COBL: variants seen among roughly 807,000 people sequenced by gnomAD.
The protein encoded by COBL is cordon-bleu WH2 repeat protein, also known as protein cordon-bleu.
COBL carries 51 observed loss-of-function variants against 98.8 expected under a neutral mutation model. The ratio of observed to expected loss-of-function variants is 0.52; its 90% CI spans 0.41 to 0.65. The LOEUF is 0.65. Among genes scored for constraint, COBL ranks in the 30% least tolerant of loss-of-function variants. The pLI is 0.00. For synonymous variants in COBL, 634 were observed against 651.7 expected (o/e 0.97, Z 0.41); for missense variants, 1,617 against 1,617.5 (o/e 1.00, Z 0.01).
intron 1 of COBL, among the ~76,000 whole-genome samples, chr7:51,260,494 G>T (rs1797617454): frequency 6.6e-6 from 1 of 152,192 alleles, no homozygotes; most frequent in African/African-American, 2.4e-5. Context: ...TCACTGGTAG[G>T]AAACACAGAT....
At chr7:51,291,233 G>A (rs1429869780) in intron 1 of COBL, among the ~76,000 whole-genome samples, 2 of 152,176 alleles carry the variant, frequency 1.3e-5, no homozygotes, top group Non-Finnish European at 2.9e-5. Flanking sequence ...TGAGTGACCA[G>A]AAGATACAGA....
At chr7:51,195,908 A>G (rs1790547500) in intron 2 of COBL, among the ~76,000 whole-genome samples, 1 of 152,090 alleles carries the variant, frequency 6.6e-6, no homozygotes, top group Non-Finnish European at 1.5e-5. Context: ...CCAAGACTAT[A>G]GGGTGTTCTA....
At chr7:51,276,963 G>C (rs974663175) in intron 1 of COBL, among the ~76,000 whole-genome samples, 1 of 152,146 alleles carries the variant, frequency 6.6e-6, no homozygotes, top group Non-Finnish European at 1.5e-5. Context: ...AAAAGGAGAT[G>C]CATCTGGGAG....
intron 7 of COBL, among the ~76,000 whole-genome samples, chr7:51,064,238 C>T (rs1326366042): frequency 6.6e-6 from 1 of 151,850 alleles, no homozygotes; most frequent in Non-Finnish European, 1.5e-5. Flanking sequence ...AGTGAGCTGA[C>T]ACAACCCCTA....
At chr7:51,289,226 T>A (rs1800668349) in intron 1 of COBL, among the ~76,000 whole-genome samples, 1 of 152,222 alleles carries the variant, frequency 6.6e-6, no homozygotes, top group African/African-American at 2.4e-5. Flanking sequence ...TGGGAACAAG[T>A]CTATCATTTG....
intron 1 of COBL, among the ~76,000 whole-genome samples, chr7:51,301,602 C>T (rs774330666): frequency 1.3e-5 from 2 of 152,262 alleles, no homozygotes; most frequent in Non-Finnish European, 2.9e-5. Context: ...ATTCGAAGAA[C>T]AATCTTCCTC....
At chr7:51,090,847 A>T (rs530206512) in intron 6 of COBL, among the ~76,000 whole-genome samples, 81 of 152,390 alleles carry the variant, frequency 5.3e-4, no homozygotes, top group Non-Finnish European at 1.0e-3. Context: ...TTAGAAAATA[A>T]GAGAGCTCAG....
chr7:51,153,111 C>T (rs1253360008), intron 5 of COBL, among the ~76,000 whole-genome samples: 1 of 152,162 alleles, frequency 6.6e-6, no homozygotes, highest in African/African-American at 2.4e-5. Flanking sequence ...CTGTGGGTCC[C>T]AGCTGCCATG....
At chr7:51,244,707 C>A (rs187485178) in intron 1 of COBL, among the ~76,000 whole-genome samples, 54 of 152,248 alleles carry the variant, frequency 3.5e-4, no homozygotes, top group African/African-American at 1.3e-3. Flanking sequence ...AAGTCACGTG[C>A]GGTGACCCCA....
rs1328671582 is a variant in COBL, at chr7:51,187,364, A to G, written c.686-3165T>C. On this transcript the variant is annotated intron_variant, in intron 4 of 12. Transcript: ENST00000265136. Reference sequence around the variant, plus strand: ...CACACACACACACACACATATATCTATATCTGCCTATATATACATATAAAC... The same window carrying G: ...CACACACACACACACACATATATCTGTATCTGCCTATATATACATATAAAC... 2.0e-5 allele frequency among the ~76,000 whole-genome samples: 3 copies of G among 151,510 alleles called. 1 individual carries two copies. Among genetic ancestry groups the G allele is most frequent in the African/African-American group, 7.3e-5 (3 of 41,218 alleles).
At chr7:51,032,890 A>AAATAC (rs1236370322) in intron 8 of COBL, 1 of 152,220 alleles carries the variant, frequency 6.6e-6, no homozygotes, top group Admixed American at 6.5e-5. Flanking sequence ...TGGAAAAGAG[A>AAATAC]TTTAAATACT....
chr7:51,107,894 C>T (rs752752471), intron 6 of COBL, among the ~76,000 whole-genome samples: 10 of 152,156 alleles, frequency 6.6e-5, no homozygotes, highest in Non-Finnish European at 1.3e-4. Context: ...AGCAAAATAT[C>T]CCCCAGTCCA....
Position 51,316,708 on chromosome 7 carries a change from C to G in COBL, c.-75G>C. ...CGCTGGCTACCGCCGCCACCGCTGC[C>G]GCCCTCATTCACTTTTTCCGCGCTG... On this transcript the variant is annotated 5_prime_UTR_variant, in exon 1 of 13. Coordinates refer to ENST00000265136, the MANE Select transcript of COBL (RefSeq NM_015198.5). The G allele has an allele frequency of 9.2e-7, 1 of 1,085,490 alleles. No homozygotes were observed. Among genetic ancestry groups the G allele is most frequent in the Non-Finnish European group, 1.2e-6 (1 of 865,386 alleles). The allele number at this position is 1,085,490 out of a possible 1,614,324, so 67.2% of individuals were successfully genotyped here.
intron 5 of COBL, among the ~76,000 whole-genome samples, chr7:51,168,190 T>C (rs1269003211): frequency 2.0e-5 from 3 of 152,092 alleles, no homozygotes; most frequent in Admixed American, 6.6e-5. Context: ...AACCAGAATA[T>C]ATAAGGAGCT....
At chr7:51,127,317 G>A (rs539195301) in intron 6 of COBL, among the ~76,000 whole-genome samples, 40 of 152,326 alleles carry the variant, frequency 2.6e-4, no homozygotes, top group African/African-American at 9.4e-4. Context: ...CCACTGATGT[G>A]ACAGACACCC....
chr7:51,127,596 T>C (rs1003057760), intron 6 of COBL, among the ~76,000 whole-genome samples: 3 of 152,150 alleles, frequency 2.0e-5, no homozygotes, highest in Non-Finnish European at 4.4e-5. Flanking sequence ...AGGCAGACTT[T>C]TGACTTTCTG....
At chr7:51,213,705 G>T (rs979228065) in intron 2 of COBL, among the ~76,000 whole-genome samples, 4 of 152,148 alleles carry the variant, frequency 2.6e-5, no homozygotes, top group Non-Finnish European at 4.4e-5. Flanking sequence ...CAACTGAGGT[G>T]AGTAGGGGCC....
chr7:51,187,236 G>T (rs180892127), intron 4 of COBL, among the ~76,000 whole-genome samples: 1 of 151,420 alleles, frequency 6.6e-6, no homozygotes, highest in Non-Finnish European at 1.5e-5. Flanking sequence ...AAATGGAAGC[G>T]GGGGACCAGG....
intron 5 of COBL, among the ~76,000 whole-genome samples, chr7:51,182,006 G>C (rs955759793): frequency 2.0e-5 from 3 of 152,136 alleles, no homozygotes; most frequent in Non-Finnish European, 2.9e-5. Context: ...ACCTTACTTT[G>C]CTAAAAACGA....
Sources: gnomAD v4.1 joint callset for allele counts (sites outside exome capture counted in the v4.1 genomes callset) on GRCh38, gnomAD v4.1.1 for gene constraint, MANE v1.5 for transcripts, NCBI Gene and HGNC (gene_info 2026-07-23, HGNC 2026-07-21) for gene names.